RCOR3: variants seen among roughly 807,000 people sequenced by gnomAD.
RCOR3 encodes the protein REST corepressor 3.
Under a neutral mutation model 64.1 loss-of-function variants are expected in RCOR3, and 13 were observed. That is an observed-to-expected ratio of 0.20 (90% CI 0.13 to 0.32). The LOEUF is 0.32. Ranked by LOEUF, RCOR3 falls within the 10% of genes least tolerant of loss-of-function variation. The pLI, the probability that RCOR3 is intolerant of heterozygous loss-of-function variation, is 1.00. For synonymous variants in RCOR3, 215 were observed against 239.0 expected, an observed-to-expected ratio of 0.90 and a Z score of 0.93; for missense variants, 489 against 701.2, an observed-to-expected ratio of 0.70 and a Z score of 3.42.
chr1:211,305,164 C>T (rs1700737838), intron 10 of RCOR3, among the ~76,000 whole-genome samples: 1 of 152,172 alleles, frequency 6.6e-6, no homozygotes, highest in African/African-American at 2.4e-5. Flanking sequence ...AAGAATTAGC[C>T]AGCCAGCATG....
chr1:211,282,618 C>T (rs1422270520), intron 7 of RCOR3, among the ~76,000 whole-genome samples: 1 of 151,954 alleles, frequency 6.6e-6, no homozygotes, highest in Non-Finnish European at 1.5e-5. Flanking sequence ...CCTGCCTCAG[C>T]CTCCCGAGTA....
In RCOR3 at chr1:211,315,560, A is replaced by G. The variant is rs970849571; in HGVS notation, c.*1792A>G. The stretch of plus-strand genomic sequence containing the variant: ...CTTAAAAGCCACAGGGGACAGTTAA[A>G]TATCTTAAAATATCTAAAACATTTT... On this transcript the variant is annotated 3_prime_UTR_variant, in exon 12 of 12. Coordinates refer to ENST00000419091, the MANE Select transcript of RCOR3 (RefSeq NM_001136223.3). 6.6e-6 allele frequency: 1 copy of G among 152,220 alleles called. No individual in the cohort carries two copies. Among genetic ancestry groups the G allele is most frequent in the African/African-American group, 2.4e-5 (1 of 41,460 alleles). The allele number at this position is 152,220 out of a possible 1,614,324, so 9.4% of individuals were successfully genotyped here.
At chr1:211,309,976 G>A (rs1701321260) in intron 10 of RCOR3, among the ~76,000 whole-genome samples, 1 of 152,174 alleles carries the variant, frequency 6.6e-6, no homozygotes, top group South Asian at 2.1e-4. Context: ...CTTGAGCCAT[G>A]CTGTTCTGAG....
chr1:211,270,282 T>C (rs1241643603), intron 2 of RCOR3, among the ~76,000 whole-genome samples: 9 of 152,128 alleles, frequency 5.9e-5, no homozygotes, highest in Admixed American at 5.9e-4. Flanking sequence ...AGGCTAGTCT[T>C]GAACTCGTGA....
intron 2 of RCOR3, among the ~76,000 whole-genome samples, chr1:211,264,633 A>G (rs1450762250): frequency 6.6e-6 from 1 of 152,078 alleles, no homozygotes; most frequent in East Asian, 1.9e-4. Flanking sequence ...GCAGTAAGCT[A>G]TGATGGCGCC....
chr1:211,280,721 C>T (rs897138739), intron 7 of RCOR3, among the ~76,000 whole-genome samples: 2 of 152,152 alleles, frequency 1.3e-5, no homozygotes, highest in African/African-American at 2.4e-5. Context: ...CAGTGGCTCA[C>T]GCCTGTAATC....
intron 7 of RCOR3, among the ~76,000 whole-genome samples, chr1:211,284,093 G>A (rs978522960): frequency 6.0e-5 from 9 of 150,692 alleles, no homozygotes; most frequent in African/African-American, 2.2e-4. Flanking sequence ...TCGCTCTGTC[G>A]CCCAGGCTGG....
At chr1:211,294,510 C>T (rs569763077) in intron 8 of RCOR3, among the ~76,000 whole-genome samples, 2 of 151,858 alleles carry the variant, frequency 1.3e-5, no homozygotes, top group East Asian at 3.9e-4. Context: ...TGTGTCCCAA[C>T]CTCTTTTACC....
intron 10 of RCOR3, among the ~76,000 whole-genome samples, chr1:211,309,957 C>G (rs1472405654): frequency 3.3e-5 from 5 of 152,118 alleles, no homozygotes; most frequent in Non-Finnish European, 4.4e-5. Context: ...ATCTTCTAAC[C>G]AAAGTGCTCT....
chr1:211,286,608 G>T (rs918911221), intron 7 of RCOR3, among the ~76,000 whole-genome samples: 3 of 151,826 alleles, frequency 2.0e-5, no homozygotes, highest in African/African-American at 7.3e-5. Context: ...TGCCCAGCCG[G>T]GATGTTTCTA....
intron 9 of RCOR3, among the ~76,000 whole-genome samples, chr1:211,299,649 G>A (rs1256065234): frequency 6.6e-6 from 1 of 152,146 alleles, no homozygotes; most frequent in Non-Finnish European, 1.5e-5. Flanking sequence ...GGGAAAGGAT[G>A]GAGTGAAAAT....
rs1014957738 is a variant in RCOR3, at chr1:211,312,535, A to G, written c.1076-185A>G. 3 of 649,576 alleles carry G rather than the reference A, an allele frequency of 4.6e-6. No individual in the cohort carries two copies. Among genetic ancestry groups the G allele is most frequent in the Non-Finnish European group, 8.4e-6 (3 of 357,288 alleles). 40.2% of individuals were successfully genotyped at this position (649,576 alleles called of 1,614,324 possible). A position where few individuals can be genotyped will look rare whatever the true frequency, so the allele number is the denominator to read the frequency against. ...GAAGGCAAGTGGCTGGCTCGATGAA[A>G]TGACATAACTGATAGTTTTCATCTG... is the stretch of plus-strand genomic sequence containing the variant. On this transcript the variant is annotated intron_variant, in intron 10 of 11. Transcript: ENST00000419091. This position sits in a 1 kb window ranked among gnomAD's most constrained non-coding sequence, Gnocchi z 5.0.
chr1:211,308,690 TTTTTTTTTTGTG>T (rs1701163406), intron 10 of RCOR3, among the ~76,000 whole-genome samples: 1 of 70,544 alleles, frequency 1.4e-5, no homozygotes, highest in South Asian at 5.7e-4. Context: ...TTTTGTTTTT[TTTTTTTTTTGTG>T]TAGTCCAAAA....
chr1:211,290,379 C>T (rs1348333156), intron 8 of RCOR3, among the ~76,000 whole-genome samples: 5 of 152,196 alleles, frequency 3.3e-5, no homozygotes, highest in Admixed American at 3.3e-4. Context: ...CCTTTCCCAA[C>T]ACATGTAAAC....
Position 211,310,724 on chromosome 1 carries a change from T to TGG in RCOR3, c.1076-1993_1076-1992dup, listed in dbSNP as rs1701394489. On this transcript the variant is annotated intron_variant, in intron 10 of 11. Transcript: ENST00000419091. ...GGCACTTATTTAATGGAATCAGACT[T>TGG]GGGGACAACTTAGAGTTTTGGAATA... Among the ~76,000 whole-genome samples the TGG allele has an allele frequency of 2.0e-5, 3 of 152,142 alleles. No homozygotes were observed. In the South Asian group the frequency reaches 6.2e-4, roughly 32 times the overall value.
intron 5 of RCOR3, 118 bp from the exon 6 acceptor site, chr1:211,277,999 T>A: frequency 1.1e-6 from 1 of 874,726 alleles, no homozygotes. Flanking sequence ...CTATAATTCA[T>A]AAAGGTACCC....
chr1:211,296,488 A>AC (rs1699873665), intron 9 of RCOR3, among the ~76,000 whole-genome samples: 1 of 151,594 alleles, frequency 6.6e-6, no homozygotes, highest in African/African-American at 2.4e-5. Flanking sequence ...TCTTATTGGG[A>AC]CTTTTTTTCC....
intron 8 of RCOR3, among the ~76,000 whole-genome samples, chr1:211,294,586 C>CTTTTT (rs35962546): frequency 5.6e-3 from 496 of 87,996 alleles, no homozygotes; most frequent in African/African-American, 7.4e-3. Flanking sequence ...TTCTTTCTTT[C>CTTTTT]TTTTTTTTTT....
In RCOR3 at chr1:211,313,877, C is replaced by A; in HGVS notation, c.*109C>A. The A allele has an allele frequency of 9.7e-7, 1 of 1,032,598 alleles. No homozygotes were observed. The highest frequency in any genetic ancestry group is 1.4e-6 in the Non-Finnish European group (1 of 719,936). 64.0% of individuals were successfully genotyped at this position (1,032,598 alleles called of 1,614,324 possible). ...TAATCATTTCTAGATACTGAGGCTG[C>A]GAACTAGTTCTGTGGCAGTGGACTA... is the stretch of plus-strand genomic sequence containing the variant. On this transcript the variant is annotated 3_prime_UTR_variant, in exon 12 of 12. Transcript: ENST00000419091. The surrounding 1 kb of genome is among the most constrained non-coding windows in gnomAD (Gnocchi z 4.7).
Sources: gnomAD v4.1 joint callset for allele counts (sites outside exome capture counted in the v4.1 genomes callset) on GRCh38, gnomAD v4.1.1 for gene constraint, Gnocchi (gnomAD v3.1) non-coding constraint, MANE v1.5 for transcripts, NCBI Gene and HGNC (gene_info 2026-07-23, HGNC 2026-07-21) for gene names.